The following SLIT3 variants were observed in gnomAD, a reference collection of about 807,000 sequenced individuals.
The protein encoded by SLIT3 is slit homolog 3 protein.
SLIT3 carries 68 observed loss-of-function variants against 184.0 expected under a neutral mutation model. That is an observed-to-expected ratio of 0.37 (90% CI 0.30 to 0.45). The LOEUF (loss-of-function observed/expected upper bound fraction) is 0.45, where lower values mean the gene tolerates loss of function less well. Among genes scored for constraint, SLIT3 ranks in the 20% least tolerant of loss-of-function variants. The pLI, the probability that SLIT3 is intolerant of heterozygous loss-of-function variation, is 1.00. For synonymous variants in SLIT3, 831 were observed against 828.6 expected (o/e 1.00, Z -0.05); for missense variants, 1,707 against 2,026.0 (o/e 0.84, Z 3.02).
chr5:169,093,370 T>C lies in SLIT3; in HGVS notation c.413+100109A>G, dbSNP rs1257991611. ...TGGAACTGATTATAACTGGGCAAAC[T>C]GGAGCCAGGATTTGAGTCCAGTAAA... On this transcript the variant is annotated intron_variant, in intron 4 of 35. Coordinates refer to ENST00000519560, the MANE Select transcript of SLIT3 (RefSeq NM_003062.4). Among the ~76,000 whole-genome samples, 6 of 151,480 alleles carry C rather than the reference T, an allele frequency of 4.0e-5. No individual in the cohort carries two copies. In the South Asian group the frequency reaches 6.3e-4, roughly 16 times the overall value.
chr5:168,923,328 C>T (rs1233334430), intron 4 of SLIT3, among the ~76,000 whole-genome samples: 1 of 152,034 alleles, frequency 6.6e-6, no homozygotes. Flanking sequence ...CCACCAAATT[C>T]TAGCATTTCT....
chr5:169,031,084 T>C (rs754516308), intron 4 of SLIT3, among the ~76,000 whole-genome samples: 2 of 152,128 alleles, frequency 1.3e-5, no homozygotes, highest in South Asian at 2.1e-4. Flanking sequence ...TCCAGCATAG[T>C]AGTCGTACTA....
At chr5:169,104,056 T>C (rs2113237568) in intron 4 of SLIT3, among the ~76,000 whole-genome samples, 1 of 152,368 alleles carries the variant, frequency 6.6e-6, no homozygotes, top group South Asian at 2.1e-4. Flanking sequence ...CTGGGCCTGA[T>C]GCATTAGCCC....
At chr5:168,925,852 A>G (rs1325231498) in intron 4 of SLIT3, among the ~76,000 whole-genome samples, 1 of 152,184 alleles carries the variant, frequency 6.6e-6, no homozygotes, top group Non-Finnish European at 1.5e-5. Context: ...TCCCCTAACT[A>G]CCAAAACAAC....
At chr5:168,804,877 CCT>C (rs1164837433) in intron 9 of SLIT3, among the ~76,000 whole-genome samples, 4 of 152,260 alleles carry the variant, frequency 2.6e-5, no homozygotes, top group South Asian at 4.2e-4. Flanking sequence ...GATCTCATCC[CCT>C]GTTACCATCC....
chr5:168,945,871 A>T (rs72829610), intron 4 of SLIT3, among the ~76,000 whole-genome samples: 1,814 of 152,348 alleles, frequency 0.012, 12 homozygotes, highest in Non-Finnish European at 0.019. Flanking sequence ...ATATCTCTTG[A>T]TTTGTTCTAA....
At position 168,836,295 on chromosome 5, in the gene SLIT3, T is replaced by C. The variant is rs186612290; in HGVS notation, c.557+8289A>G. ...CTGGCTTGGAGGTCCATGAGTGTCA[T>C]GGGATGAGCGCTGATCTAGAGGCAA... On this transcript the variant is annotated intron_variant, in intron 6 of 35. Transcript: ENST00000519560. Among the ~76,000 whole-genome samples the C allele has an allele frequency of 2.8e-4, 42 of 152,266 alleles. No individual in the cohort carries two copies. In the East Asian group the frequency reaches 7.5e-3, roughly 27 times the overall value.
chr5:169,240,579 C>CTTTTTTTTTTTTTTTTTTTTTTTTTTTTT (rs67955225), intron 3 of SLIT3, among the ~76,000 whole-genome samples: 1 of 114,354 alleles, frequency 8.7e-6, no homozygotes, highest in African/African-American at 3.4e-5. Context: ...CTATCATTTT[C>CTTTTTTTTTTTTTTTTTTTTTTTTTTTTT]TTTTTTTTTT....
intron 4 of SLIT3, among the ~76,000 whole-genome samples, chr5:168,934,078 T>A (rs1297711827): frequency 6.6e-6 from 1 of 152,206 alleles, no homozygotes; most frequent in Non-Finnish European, 1.5e-5. Context: ...ACTGCCATGT[T>A]CCTTAGGGAG....
intron 20 of SLIT3, among the ~76,000 whole-genome samples, chr5:168,745,201 C>A (rs1763762491): frequency 6.6e-6 from 1 of 152,114 alleles, no homozygotes; most frequent in Non-Finnish European, 1.5e-5. Flanking sequence ...AGAAGTGGAG[C>A]CTGAAGATGT....
At chr5:168,702,713 A>G (rs1246441209) in intron 26 of SLIT3, among the ~76,000 whole-genome samples, 1 of 143,830 alleles carries the variant, frequency 7.0e-6, no homozygotes, top group Non-Finnish European at 1.5e-5. Context: ...GATGATGATG[A>G]TGCTTGGGGT....
chr5:169,163,092 G>T (rs1762528771), intron 4 of SLIT3, among the ~76,000 whole-genome samples: 1 of 152,144 alleles, frequency 6.6e-6, no homozygotes, highest in Non-Finnish European at 1.5e-5. Flanking sequence ...GGAGGTCGAG[G>T]TGGGTGGATC....
intron 4 of SLIT3, among the ~76,000 whole-genome samples, chr5:169,037,132 G>GT (rs11447985): frequency 0.51 from 76,937 of 152,084 alleles, 22,015 homozygotes; most frequent in African/African-American, 0.79. Flanking sequence ...AGTCTCATTC[G>GT]TGCCTCTAAG....
chr5:168,734,426 G>T (rs979585855), intron 20 of SLIT3, among the ~76,000 whole-genome samples: 6 of 152,132 alleles, frequency 3.9e-5, no homozygotes, highest in African/African-American at 1.4e-4. Context: ...TGGGGGGCAG[G>T]TGTTTGTACA....
chr5:169,291,464 C>G (rs1342424529), intron 1 of SLIT3, among the ~76,000 whole-genome samples: 3 of 152,166 alleles, frequency 2.0e-5, no homozygotes, highest in Non-Finnish European at 4.4e-5. Flanking sequence ...AGTGCAGCTC[C>G]CATCATTTTA....
intron 4 of SLIT3, among the ~76,000 whole-genome samples, chr5:169,055,293 T>C (rs1285322607): frequency 6.6e-6 from 1 of 152,204 alleles, no homozygotes; most frequent in Non-Finnish European, 1.5e-5. Flanking sequence ...ATAGTAATCA[T>C]GTAAATATTT....
intron 12 of SLIT3, among the ~76,000 whole-genome samples, chr5:168,784,053 C>T (rs991327482): frequency 1.3e-5 from 2 of 152,172 alleles, no homozygotes; most frequent in Non-Finnish European, 2.9e-5. Flanking sequence ...CTGTGATACA[C>T]ATTCTGTGTA....
chr5:168,912,591 C>A (rs552855314), intron 4 of SLIT3, among the ~76,000 whole-genome samples: 2 of 152,342 alleles, frequency 1.3e-5, no homozygotes, highest in South Asian at 4.1e-4. Context: ...TCTATTCTTA[C>A]TGTTTCCTCC....
chr5:169,048,484 A>G (rs1757702043), intron 4 of SLIT3, among the ~76,000 whole-genome samples: 1 of 152,200 alleles, frequency 6.6e-6, no homozygotes, highest in African/African-American at 2.4e-5. Context: ...AGGGTGACAG[A>G]TCAGGTATGA....
Sources: allele counts gnomAD v4.1 joint callset (sites outside exome capture counted in the v4.1 genomes callset), GRCh38; gene constraint gnomAD v4.1.1; transcripts MANE v1.5; gene names NCBI Gene and HGNC (gene_info 2026-07-23, HGNC 2026-07-21).